PDGFC: variants seen among roughly 807,000 people sequenced by gnomAD.
The protein encoded by PDGFC is platelet-derived growth factor C.
In PDGFC, 12 loss-of-function variants were observed where a neutral mutation model predicts 35.5. The ratio of observed to expected loss-of-function variants is 0.34; its 90% CI spans 0.22 to 0.55. The LOEUF (loss-of-function observed/expected upper bound fraction) is 0.55, where lower values mean the gene tolerates loss of function less well. PDGFC is among the 20% of genes least tolerant of loss of function. The pLI is 0.91. For synonymous variants in PDGFC, 159 were observed against 148.8 expected, an observed-to-expected ratio of 1.07 and a Z score of -0.50; for missense variants, 322 against 412.4, an observed-to-expected ratio of 0.78 and a Z score of 1.90.
At chr4:156,778,408 C>G (rs1168892974) in intron 3 of PDGFC, 1 of 166,408 alleles carries the variant, frequency 6.0e-6, no homozygotes, top group South Asian at 1.2e-4. Context: ...AACTGGCAGC[C>G]CAGGAGTTCA....
At chr4:156,873,777 C>T (rs1441840709) in intron 1 of PDGFC, 1 of 152,170 alleles carries the variant, frequency 6.6e-6, no homozygotes, top group Non-Finnish European at 1.5e-5. Flanking sequence ...AGTCCTTGGA[C>T]TTATTTTGCA....
At chr4:156,775,824 T>C (rs1429120358) in intron 3 of PDGFC, among the ~76,000 whole-genome samples, 1 of 152,160 alleles carries the variant, frequency 6.6e-6, no homozygotes, top group Non-Finnish European at 1.5e-5. Context: ...AGCTTCTAAA[T>C]ATTTAAATTA....
chr4:156,966,266 TAATA>T (rs1732464290), intron 1 of PDGFC, among the ~76,000 whole-genome samples: 1 of 152,170 alleles, frequency 6.6e-6, no homozygotes, highest in South Asian at 2.1e-4. Flanking sequence ...AGAGATTGCT[TAATA>T]AATGAGTTAT....
intron 3 of PDGFC, among the ~76,000 whole-genome samples, chr4:156,787,138 A>G (rs146487327): frequency 1.3e-5 from 2 of 152,200 alleles, no homozygotes; most frequent in South Asian, 4.1e-4. Flanking sequence ...CCATGGTTAT[A>G]AAGTGATCTC....
intron 1 of PDGFC, among the ~76,000 whole-genome samples, chr4:156,919,441 A>C (rs1731224067): frequency 6.6e-6 from 1 of 152,184 alleles, no homozygotes. Flanking sequence ...CCAGAGAAAG[A>C]AAGCAGACAG....
At chr4:156,922,155 AGTGTGTGTGTGTGT>A (rs3070262) in intron 1 of PDGFC, among the ~76,000 whole-genome samples, 8 of 145,274 alleles carry the variant, frequency 5.5e-5, no homozygotes, top group Non-Finnish European at 9.1e-5. Context: ...AAGGATTCAT[AGTGTGTGTGTGTGT>A]GTGTGTGTGT....
intron 3 of PDGFC, among the ~76,000 whole-genome samples, chr4:156,808,142 G>A (rs1731822732): frequency 6.6e-6 from 1 of 151,962 alleles, no homozygotes; most frequent in Admixed American, 6.6e-5. Context: ...TTGTGTGAGA[G>A]GAACAAAGGT....
In PDGFC at chr4:156,945,342, C is replaced by CATACAT. The variant is rs1328692309; in HGVS notation, c.118+25443_118+25444insATGTAT. 1.0e-3 allele frequency among the ~76,000 whole-genome samples: 82 copies of CATACAT among 81,062 alleles called. 1 individual carries two copies. Among genetic ancestry groups the CATACAT allele is most frequent in the Non-Finnish European group, 1.7e-3 (64 of 38,256 alleles). The allele number at this position is 81,062 out of a possible 152,430, so 53.2% of individuals were successfully genotyped here. A position where few individuals can be genotyped will look rare whatever the true frequency, so the allele number is the denominator to read the frequency against. ...ATATGTGTATATATACATATACATA[C>CATACAT]ATATATATATATATATATATATATA... is the stretch of plus-strand genomic sequence containing the variant. On this transcript the variant is annotated intron_variant, in intron 1 of 5. Coordinates refer to ENST00000502773, the MANE Select transcript of PDGFC (RefSeq NM_016205.3).
At chr4:156,774,650 T>TG (rs1238883251) in intron 3 of PDGFC, among the ~76,000 whole-genome samples, 1 of 141,988 alleles carries the variant, frequency 7.0e-6, no homozygotes, top group African/African-American at 2.8e-5. Context: ...AATGATTTCA[T>TG]CCTTTTTTTT....
chr4:156,820,063 C>T (rs80033808), intron 2 of PDGFC, among the ~76,000 whole-genome samples: 9,495 of 152,274 alleles, frequency 0.062, 391 homozygotes, highest in Middle Eastern at 0.12. Flanking sequence ...AACTGAATTG[C>T]TGCAATTTCA....
chr4:156,944,817 C>T (rs139860784), intron 1 of PDGFC, among the ~76,000 whole-genome samples: 19 of 152,150 alleles, frequency 1.2e-4, no homozygotes, highest in Middle Eastern at 3.4e-3. Flanking sequence ...TATTCTCACT[C>T]GGCAGAAATA....
chr4:156,936,221 A>G (rs1731677503), intron 1 of PDGFC, among the ~76,000 whole-genome samples: 1 of 152,202 alleles, frequency 6.6e-6, no homozygotes. Context: ...TTCAAAAAGT[A>G]TCTTTCTTCA....
intron 1 of PDGFC, among the ~76,000 whole-genome samples, chr4:156,945,409 A>C (rs1170120887): frequency 7.2e-6 from 1 of 138,934 alleles, no homozygotes; most frequent in Non-Finnish European, 1.5e-5. Context: ...GGGAAAATTC[A>C]CAACAGTAAT....
At chr4:156,899,185 C>T (rs1471708131) in intron 1 of PDGFC, among the ~76,000 whole-genome samples, 3 of 152,136 alleles carry the variant, frequency 2.0e-5, no homozygotes, top group African/African-American at 4.8e-5. Flanking sequence ...TTCCAAAATG[C>T]AAAACTTGAA....
intron 1 of PDGFC, among the ~76,000 whole-genome samples, chr4:156,913,347 G>T (rs1013487426): frequency 4.6e-5 from 7 of 151,536 alleles, no homozygotes; most frequent in African/African-American, 1.7e-4. Context: ...AGGCTTGCAA[G>T]AAATATTTTA....
At chr4:156,846,997 T>C (rs753917718) in intron 2 of PDGFC, among the ~76,000 whole-genome samples, 9 of 151,706 alleles carry the variant, frequency 5.9e-5, no homozygotes, top group Non-Finnish European at 1.3e-4. Flanking sequence ...AGATTTTGCT[T>C]ATAACACAAA....
intron 1 of PDGFC, among the ~76,000 whole-genome samples, chr4:156,920,634 A>G (rs28521771): frequency 0.084 from 12,472 of 148,372 alleles, 1,660 homozygotes; most frequent in African/African-American, 0.29. Context: ...AAAGCTTAAC[A>G]GGAAAAGAAA....
At chr4:156,866,698 A>G (rs1729851511) in intron 1 of PDGFC, among the ~76,000 whole-genome samples, 2 of 152,208 alleles carry the variant, frequency 1.3e-5, no homozygotes, top group Admixed American at 1.3e-4. Context: ...TCTATTTCAT[A>G]AAGGATATTA....
intron 1 of PDGFC, among the ~76,000 whole-genome samples, chr4:156,896,951 C>A (rs1730646313): frequency 6.6e-6 from 1 of 152,268 alleles, no homozygotes; most frequent in South Asian, 2.1e-4. Context: ...TGTCTATTGA[C>A]CATCTGTTAA....
Sources: allele counts gnomAD v4.1 joint callset (sites outside exome capture counted in the v4.1 genomes callset), GRCh38; gene constraint gnomAD v4.1.1; transcripts MANE v1.5; gene names NCBI Gene and HGNC (gene_info 2026-07-23, HGNC 2026-07-21).